GRIN2B: variants seen among roughly 807,000 people sequenced by gnomAD.
GRIN2B encodes the protein glutamate ionotropic receptor NMDA type subunit 2B.
Under a neutral mutation model 114.5 loss-of-function variants are expected in GRIN2B, and 5 were observed. The ratio of observed to expected loss-of-function variants is 0.04; its 90% CI spans 0.02 to 0.09. The LOEUF (loss-of-function observed/expected upper bound fraction) is 0.09. GRIN2B is among the 10% of genes least tolerant of loss of function. The probability of loss-of-function intolerance (pLI) is 1.00; values close to 1 mark genes in which losing one functional copy is unlikely to be tolerated. For missense variants in GRIN2B, 1,108 were observed against 1,943.5 expected, an observed-to-expected ratio of 0.57 and a Z score of 8.08; for synonymous variants, 787 against 745.1, an observed-to-expected ratio of 1.06 and a Z score of -0.92.
intron 2 of GRIN2B, among the ~76,000 whole-genome samples, chr12:13,915,979 T>C (rs1431392478): frequency 6.6e-6 from 1 of 151,948 alleles, no homozygotes; most frequent in Non-Finnish European, 1.5e-5. Context: ...TTCACTGTAT[T>C]TGGGGAGTGT....
chr12:13,556,527 G>A lies in GRIN2B; in HGVS notation c.*6256C>T, dbSNP rs1242141679. 6.6e-6 allele frequency: 1 copy of A among 152,096 alleles called. No individual in the cohort carries two copies. The highest frequency in any genetic ancestry group is 2.4e-5 in the African/African-American group (1 of 41,408). The allele number at this position is 152,096 out of a possible 1,614,324, so 9.4% of individuals were successfully genotyped here. A position where few individuals can be genotyped will look rare whatever the true frequency, so the allele number is the denominator to read the frequency against. On this transcript the variant is annotated 3_prime_UTR_variant, in exon 14 of 14. Transcript: ENST00000609686. ...TTTCTCCTGCATAGTACTAGAATCT[G>A]CTCCACCTCCTAAATCACAACATTA... is the stretch of plus-strand genomic sequence containing the variant.
chr12:13,759,709 C>T (rs1863643390), intron 3 of GRIN2B, among the ~76,000 whole-genome samples: 1 of 152,192 alleles, frequency 6.6e-6, no homozygotes, highest in Non-Finnish European at 1.5e-5. Context: ...GTACCACTGG[C>T]TCTGTCTTAA....
chr12:13,634,535 C>T (rs958719368), intron 5 of GRIN2B, among the ~76,000 whole-genome samples: 8 of 152,048 alleles, frequency 5.3e-5, no homozygotes, highest in African/African-American at 1.9e-4. Flanking sequence ...ACAAAAGGAG[C>T]GTAGTTGAGC....
chr12:13,852,932 C>T (rs1028945648), intron 3 of GRIN2B, among the ~76,000 whole-genome samples: 16 of 152,090 alleles, frequency 1.1e-4, no homozygotes, highest in African/African-American at 3.9e-4. Context: ...CTCCGGAGCA[C>T]CTCCTCAGCC....
intron 2 of GRIN2B, among the ~76,000 whole-genome samples, chr12:13,911,584 TTTTCTTCTATGGCTTTGAAGGAAAAAGA>T (rs1002308038): frequency 5.3e-5 from 8 of 152,184 alleles, no homozygotes; most frequent in African/African-American, 1.9e-4. Flanking sequence ...GGTGGGTCCC[TTTTCTTCTATGGCTTTGAAGGAAAAAGA>T]TTTCTTCTCC....
chr12:13,620,611 GTC>G (rs913797269), intron 5 of GRIN2B, among the ~76,000 whole-genome samples: 15 of 152,062 alleles, frequency 9.9e-5, no homozygotes, highest in African/African-American at 3.1e-4. Context: ...TTCTAAACAT[GTC>G]TCTGAGTATT....
At position 13,822,450 on chromosome 12, in the gene GRIN2B, A is replaced by T. The variant is rs548563077; in HGVS notation, c.411+43348T>A. Among the ~76,000 whole-genome samples, 3 of 152,298 alleles carry T rather than the reference A, an allele frequency of 2.0e-5. No individual in the cohort carries two copies. The South Asian group carries it at 6.2e-4, about 32-fold the overall frequency. ...TATAAAAAACAGTCTATGCATTTAC[A>T]ATCTATTTGGTAAGATGCAGTGTGC... On this transcript the variant is annotated intron_variant, in intron 3 of 13. Transcript: ENST00000609686.
At chr12:13,665,485 C>T (rs760345525) in intron 5 of GRIN2B, among the ~76,000 whole-genome samples, 32 of 152,082 alleles carry the variant, frequency 2.1e-4, no homozygotes, top group Non-Finnish European at 3.7e-4. Flanking sequence ...GACATTGCTA[C>T]ATTTGGATCC....
intron 2 of GRIN2B, among the ~76,000 whole-genome samples, chr12:13,896,257 G>A (rs1565578791): frequency 6.6e-6 from 1 of 152,084 alleles, no homozygotes; most frequent in Non-Finnish European, 1.5e-5. Context: ...AGGAAGATGG[G>A]GACAGGAGTG....
intron 2 of GRIN2B, among the ~76,000 whole-genome samples, chr12:13,933,001 GTGTGTT>G (rs1867065971): frequency 6.6e-6 from 1 of 151,874 alleles, no homozygotes; most frequent in African/African-American, 2.4e-5. Context: ...GTGCGTGTGT[GTGTGTT>G]TGTGTGAATG....
At chr12:13,919,592 C>T (rs865969947) in intron 2 of GRIN2B, among the ~76,000 whole-genome samples, 5 of 152,196 alleles carry the variant, frequency 3.3e-5, no homozygotes, top group Middle Eastern at 3.4e-3. Context: ...ACAAATGCCA[C>T]GTGATGCAGT....
At chr12:13,932,651 T>C (rs1006606920) in intron 2 of GRIN2B, among the ~76,000 whole-genome samples, 1 of 152,132 alleles carries the variant, frequency 6.6e-6, no homozygotes, top group African/African-American at 2.4e-5. Flanking sequence ...CTTTCTATGA[T>C]GCCTACCCTA....
intron 2 of GRIN2B, among the ~76,000 whole-genome samples, chr12:13,935,856 C>A (rs1205109812): frequency 6.6e-6 from 1 of 152,162 alleles, no homozygotes; most frequent in Non-Finnish European, 1.5e-5. Flanking sequence ...GCAACTATTT[C>A]CAGGCAGTGG....
chr12:13,649,196 A>C (rs1471829212), intron 5 of GRIN2B, among the ~76,000 whole-genome samples: 1 of 152,082 alleles, frequency 6.6e-6, no homozygotes, highest in Non-Finnish European at 1.5e-5. Flanking sequence ...ATTTGCATCT[A>C]GTAGATGCTC....
chr12:13,845,928 A>G (rs1404240417), intron 3 of GRIN2B, among the ~76,000 whole-genome samples: 6 of 141,598 alleles, frequency 4.2e-5, no homozygotes, highest in Non-Finnish European at 9.3e-5. Flanking sequence ...TTTTACCACC[A>G]CTGCTCATTT....
intron 3 of GRIN2B, among the ~76,000 whole-genome samples, chr12:13,765,755 C>G (rs1045396610): frequency 2.0e-5 from 3 of 152,198 alleles, no homozygotes; most frequent in African/African-American, 7.2e-5. Flanking sequence ...ATTTTACCAA[C>G]AGAGAAAGTG....
chr12:13,981,065 C>T (rs1187606294), intron 1 of GRIN2B, among the ~76,000 whole-genome samples: 1 of 152,032 alleles, frequency 6.6e-6, no homozygotes, highest in Non-Finnish European at 1.5e-5. Context: ...GGGTCCGGCC[C>T]GGGGCGCCGC....
At chr12:13,585,666 T>G (rs1314439477) in intron 10 of GRIN2B, among the ~76,000 whole-genome samples, 1 of 152,168 alleles carries the variant, frequency 6.6e-6, no homozygotes, top group Non-Finnish European at 1.5e-5. Context: ...GATTTCTTTT[T>G]CTCAAGAATA....
At chr12:13,691,471 C>G (rs1444858454) in intron 4 of GRIN2B, among the ~76,000 whole-genome samples, 1 of 152,162 alleles carries the variant, frequency 6.6e-6, no homozygotes, top group African/African-American at 2.4e-5. Flanking sequence ...ATTTGATTAC[C>G]ACTTGCTTGA....
Sources: gnomAD v4.1 joint callset for allele counts (sites outside exome capture counted in the v4.1 genomes callset) on GRCh38, gnomAD v4.1.1 for gene constraint, MANE v1.5 for transcripts, NCBI Gene and HGNC (gene_info 2026-07-23, HGNC 2026-07-21) for gene names.